Variants in AASDH observed in about 807,000 individuals in gnomAD.
AASDH encodes the protein beta-alanine-activating enzyme.
A neutral mutation model predicts 102.3 loss-of-function variants in AASDH; 81 were observed. The observed-to-expected ratio is 0.79, with a 90% confidence interval of 0.66 to 0.95. The LOEUF is 0.95. Among genes scored for constraint, AASDH ranks in the 40% least tolerant of loss-of-function variants. The pLI, the probability that AASDH is intolerant of heterozygous loss-of-function variation, is 0.00. For missense variants in AASDH, 1,203 were observed against 1,266.2 expected (o/e 0.95, Z 0.76); for synonymous variants, 398 against 454.0 (o/e 0.88, Z 1.57).
intron 5 of AASDH, among the ~76,000 whole-genome samples, chr4:56,359,918 C>G (rs1750108102): frequency 6.6e-6 from 1 of 152,120 alleles, no homozygotes; most frequent in Non-Finnish European, 1.5e-5. Context: ...AGCAAGTGAT[C>G]AATCAATGAT....
chr4:56,371,440 C>T lies in AASDH; in HGVS notation c.861+11G>A, dbSNP rs1202933635. 2 of 1,584,584 alleles carry T rather than the reference C, an allele frequency of 1.3e-6. No individual in the cohort carries two copies. Among genetic ancestry groups the T allele is most frequent in the Non-Finnish European group, 1.7e-6 (2 of 1,172,076 alleles). The stretch of plus-strand genomic sequence containing the variant: ...ATGATAAACAAAACGTTCATTGCTA[C>T]TAAAATGTACCTGCAAAACAGTCAC... On this transcript the variant is annotated intron_variant, in intron 5 of 14. Transcript: ENST00000205214.
Position 56,387,464 on chromosome 4 carries a change from A to G in AASDH, c.-145T>C, listed in dbSNP as rs1753709404. On this transcript the variant is annotated 5_prime_UTR_variant, in exon 1 of 15. Transcript: ENST00000205214. ...AAGCAGCAGCTCCCAGAAGCCGTAA[A>G]GCTATCCCAGAGCGAGGCACCATAC... 1 of 152,276 alleles carries G rather than the reference A, an allele frequency of 6.6e-6. No homozygotes were observed. The highest frequency in any genetic ancestry group is 1.5e-5 in the Non-Finnish European group (1 of 68,082). The allele number at this position is 152,276 out of a possible 1,614,324, so 9.4% of individuals were successfully genotyped here.
At position 56,372,025 on chromosome 4, in the gene AASDH, C is replaced by T. The variant is rs575475389; in HGVS notation, c.669-382G>A. ...GGAGGCTGCTGCTTAGCAGCACACACGCCTTCTTCAAGCAGTTATTCAATC... is the reference window on the plus strand; with the variant it reads ...GGAGGCTGCTGCTTAGCAGCACACATGCCTTCTTCAAGCAGTTATTCAATC... On this transcript the variant is annotated intron_variant, in intron 4 of 14. Coordinates refer to ENST00000205214, the MANE Select transcript of AASDH (RefSeq NM_181806.4). Among the ~76,000 whole-genome samples the T allele has an allele frequency of 6.6e-5, 10 of 152,308 alleles. No individual in the cohort carries two copies. The East Asian group carries it at 1.5e-3, about 24-fold the overall frequency.
At chr4:56,362,626 A>G (rs1397753175) in intron 5 of AASDH, among the ~76,000 whole-genome samples, 1 of 152,186 alleles carries the variant, frequency 6.6e-6, no homozygotes, top group Non-Finnish European at 1.5e-5. Context: ...TTTTATTTGT[A>G]AATAAAATCT....
At chr4:56,356,397 C>T (rs991588542) in intron 5 of AASDH, 10 of 1,592,378 alleles carry the variant, frequency 6.3e-6, no homozygotes, top group East Asian at 4.5e-5. Flanking sequence ...GGCCCTGGAC[C>T]GCCAAACAGC....
chr4:56,347,550 A>G (rs866646421), intron 11 of AASDH, among the ~76,000 whole-genome samples: 7 of 152,208 alleles, frequency 4.6e-5, no homozygotes, highest in African/African-American at 9.6e-5. Context: ...AAAGTCACCT[A>G]TACCTTAATG....
rs10003484 is a variant in AASDH, at chr4:56,341,840, G to A, written c.2907+995C>T. ...ATATTAGAAGTTGGGGGCCGGGCGT[G>A]GTGGCTCATGCCTGTAATCTCAATA... On this transcript the variant is annotated intron_variant, in intron 14 of 14. Transcript: ENST00000205214. Among the ~76,000 whole-genome samples the A allele has an allele frequency of 6.8e-3, 1,037 of 152,026 alleles. 13 individuals carry two copies. The highest frequency in any genetic ancestry group is 0.024 in the African/African-American group (982 of 41,466).
chr4:56,359,721 G>C (rs780733083), intron 5 of AASDH, among the ~76,000 whole-genome samples: 2 of 151,980 alleles, frequency 1.3e-5, no homozygotes, highest in Non-Finnish European at 2.9e-5. Context: ...ACCGTGCCCA[G>C]CTAATTTTTG....
intron 4 of AASDH, among the ~76,000 whole-genome samples, 171 bp downstream of exon 4, chr4:56,377,977 G>C (rs1293294719): frequency 6.6e-6 from 1 of 152,018 alleles, no homozygotes; most frequent in Non-Finnish European, 1.5e-5. Context: ...GCTGATTTTT[G>C]TATTTTTTCA....
intron 13 of AASDH, 141 bp downstream of exon 13, chr4:56,343,421 A>G (rs1014620280): frequency 1.1e-5 from 6 of 526,304 alleles, no homozygotes; most frequent in South Asian, 4.1e-5. Context: ...TCTCATGTCA[A>G]TCATTTTTAA....
rs1297407679 is a variant in AASDH at position 56,345,192 on chromosome 4, C to T, written c.2587G>A (p.Asp863Asn). Residue 863 changes from aspartate to asparagine, a missense_variant, in exon 12 of 15, where the codon GAT (aspartate) becomes AAT (asparagine). Transcript: ENST00000205214. ...EDAVKSSATM[D>N]PTTGLIYIGS... ...ATGTAAATGAGTCCTGTGGTTGGAT[C>T]CATGGTTGCCGAGCTTTTGACAGCA... 1 of 1,614,104 alleles carries T rather than the reference C, an allele frequency of 6.2e-7. No individual in the cohort carries two copies.
intron 1 of AASDH, among the ~76,000 whole-genome samples, chr4:56,386,814 A>G (rs1560629337): frequency 1.3e-5 from 2 of 149,430 alleles, no homozygotes; most frequent in Non-Finnish European, 3.0e-5. Context: ...AAAAAAAAAA[A>G]AAAAAAAAGG....
At position 56,338,293 on chromosome 4, in the gene AASDH, C is replaced by G; in HGVS notation, c.*109G>C. 1 of 1,284,848 alleles carries G rather than the reference C, an allele frequency of 7.8e-7. No individual in the cohort carries two copies. Among genetic ancestry groups the G allele is most frequent in the Non-Finnish European group, 1.1e-6 (1 of 945,914 alleles). The allele number at this position is 1,284,848 out of a possible 1,614,324, so 79.6% of individuals were successfully genotyped here. A position where few individuals can be genotyped will look rare whatever the true frequency, so the allele number is the denominator to read the frequency against. ...ATCAAGTGTAGACAAGTTTCCGTTT[C>G]TTAGCCAAAATATAATCTTCTTTAA... On this transcript the variant is annotated 3_prime_UTR_variant, in exon 15 of 15. Transcript: ENST00000205214.
chr4:56,371,059 G>A (rs1751643265), intron 5 of AASDH, among the ~76,000 whole-genome samples: 1 of 152,100 alleles, frequency 6.6e-6, no homozygotes, highest in Non-Finnish European at 1.5e-5. Flanking sequence ...GTACACTGAT[G>A]TAAAAATAAG....
In AASDH at chr4:56,343,567, T is replaced by A; in HGVS notation, c.2770A>T (p.Asn924Tyr). 1 of 1,606,424 alleles carries A rather than the reference T, an allele frequency of 6.2e-7. No individual in the cohort carries two copies. The highest frequency in any genetic ancestry group is 8.5e-7 in the Non-Finnish European group (1 of 1,176,080). ...ATLGGLLLAV[N>Y]PATGNVIWKH... ...ATGTATTATTTTATGCCTACAGGAT[T>A]TACAGCCAGTAAAAGTCCTCCCAAT... The change falls in exon 13 of 15, where the codon AAT (asparagine) becomes TAT (tyrosine). Residue 924 changes from asparagine to tyrosine, a missense_variant. By Grantham distance (143) the Asn-to-Tyr change is moderately radical. Transcript: ENST00000205214.
At chr4:56,338,904 G>GTAAC in intron 14 of AASDH, 113 bp from the exon 15 acceptor site, 1 of 1,064,458 alleles carries the variant, frequency 9.4e-7, no homozygotes. Flanking sequence ...TATTTGAATG[G>GTAAC]TAACTATACA....
chr4:56,371,491 G>A lies in AASDH; in HGVS notation c.821C>T (p.Ala274Val). Residue 274 changes from alanine (A) to valine (V), a missense_variant, in exon 5 of 15, where the codon GCC (alanine) becomes GTC (valine). Transcript: ENST00000205214. ...TCTATGATGGGAAAAGAGAACGCTG[G>A]CTAATTTTGATGGGAGCAACTTGAC... ...TSVKLLPSKLASVLFSHHRVT... is the reference protein window; with the variant it reads ...TSVKLLPSKLVSVLFSHHRVT... 6.2e-7 allele frequency: 1 copy of A among 1,612,908 alleles called. No homozygotes were observed. The highest frequency in any genetic ancestry group is 8.5e-7 in the Non-Finnish European group (1 of 1,179,828).
At chr4:56,378,559 A>G in intron 3 of AASDH, 95 bp from the exon 4 acceptor site, 1 of 1,084,686 alleles carries the variant, frequency 9.2e-7, no homozygotes, top group Non-Finnish European at 1.3e-6. Flanking sequence ...ATCCCTCAGT[A>G]TCCTTGGGGG....
At chr4:56,358,727 A>G (rs893658334) in intron 5 of AASDH, among the ~76,000 whole-genome samples, 1 of 152,014 alleles carries the variant, frequency 6.6e-6, no homozygotes, top group Non-Finnish European at 1.5e-5. Context: ...ATTTACTGAG[A>G]CTTGTTTTGT....
Sources: gnomAD v4.1 joint callset for allele counts (sites outside exome capture counted in the v4.1 genomes callset) on GRCh38, gnomAD v4.1.1 for gene constraint, MANE v1.5 for transcripts, NCBI Gene and HGNC (gene_info 2026-07-23, HGNC 2026-07-21) for gene names.